The following NKAIN3 variants were observed in gnomAD, a reference collection of about 807,000 sequenced individuals.
NKAIN3 encodes sodium/potassium transporting ATPase interacting 3.
In NKAIN3, 25 loss-of-function variants were observed where a neutral mutation model predicts 30.2. The observed-to-expected ratio is 0.83, with a 90% CI of 0.60 to 1.16. The LOEUF (loss-of-function observed/expected upper bound fraction) is 1.16, where lower values mean the gene tolerates loss of function less well. Among genes scored for constraint, NKAIN3 ranks in the 50% most tolerant of loss-of-function variants. The probability of loss-of-function intolerance (pLI) is 0.00; values close to 1 mark genes in which losing one functional copy is unlikely to be tolerated. For missense variants in NKAIN3, 225 were observed against 254.1 expected (o/e 0.89, Z 0.78); for synonymous variants, 91 against 89.6 (o/e 1.02, Z -0.09).
chr8:62,837,024 T>A (rs1304031232), intron 4 of NKAIN3, among the ~76,000 whole-genome samples: 1 of 152,164 alleles, frequency 6.6e-6, no homozygotes, highest in Non-Finnish European at 1.5e-5. Flanking sequence ...GAGACTAGAC[T>A]CAGTGTCCTG....
chr8:62,633,777 G>T (rs1051021621), intron 3 of NKAIN3, among the ~76,000 whole-genome samples: 6 of 152,114 alleles, frequency 3.9e-5, no homozygotes, highest in Admixed American at 6.5e-5. Flanking sequence ...CCACCTGTTA[G>T]AAACCCCTGA....
chr8:62,832,057 C>A lies in NKAIN3; in HGVS notation c.471+84928C>A, dbSNP rs113346578. 3.9e-3 allele frequency among the ~76,000 whole-genome samples: 597 copies of A among 152,086 alleles called. 4 individuals are homozygous for A. The highest frequency in any genetic ancestry group is 0.013 in the African/African-American group (554 of 41,492). ...TATACAAACCAGAAGAGATAAGAGG[C>A]CTATTTTCAGCATTCTTAGAGAAAT... On this transcript the variant is annotated intron_variant, in intron 4 of 6. Transcript: ENST00000623646.
Position 62,977,220 on chromosome 8 carries a change from A to G in NKAIN3, c.*11813A>G, listed in dbSNP as rs1229572713. 6.6e-6 allele frequency among the ~76,000 whole-genome samples: 1 copy of G among 151,968 alleles called. No homozygotes were observed. The highest frequency in any genetic ancestry group is 1.5e-5 in the Non-Finnish European group (1 of 67,984). ...TGTTCTCTGTATTTCCTGAATTTGTATTCTGTATTTCCTAAGCCTGCCTTG... is the reference window on the plus strand; with the variant it reads ...TGTTCTCTGTATTTCCTGAATTTGTGTTCTGTATTTCCTAAGCCTGCCTTG... On this transcript the variant is annotated 3_prime_UTR_variant, in exon 7 of 7. Transcript: ENST00000623646.
chr8:62,372,096 C>T (rs16928779), intron 1 of NKAIN3, among the ~76,000 whole-genome samples: 21,014 of 151,640 alleles, frequency 0.14, 1,746 homozygotes, highest in East Asian at 0.41. Context: ...TGATTAGATA[C>T]TGTGAGATAG....
At chr8:62,344,780 G>A (rs1243890687) in intron 1 of NKAIN3, 1 of 374,488 alleles carries the variant, frequency 2.7e-6, no homozygotes. Flanking sequence ...ATAAAACTAA[G>A]AAATTTAGAG....
At chr8:62,895,870 G>A (rs966232845) in intron 4 of NKAIN3, among the ~76,000 whole-genome samples, 2 of 152,058 alleles carry the variant, frequency 1.3e-5, no homozygotes, top group Non-Finnish European at 1.5e-5. Flanking sequence ...CTTTTCTTAC[G>A]GAGCTGTCCT....
At chr8:62,548,587 A>T (rs1809091647) in intron 1 of NKAIN3, among the ~76,000 whole-genome samples, 1 of 152,158 alleles carries the variant, frequency 6.6e-6, no homozygotes, top group South Asian at 2.1e-4. Flanking sequence ...AAAAATCCTT[A>T]TTGGAACAAA....
chr8:62,444,930 A>G (rs1276451608), intron 1 of NKAIN3, among the ~76,000 whole-genome samples: 1 of 151,718 alleles, frequency 6.6e-6, no homozygotes, highest in African/African-American at 2.4e-5. Flanking sequence ...ATCTCATTGG[A>G]GTTTGGATTT....
intron 4 of NKAIN3, among the ~76,000 whole-genome samples, chr8:62,894,526 A>T (rs185298692): frequency 0.011 from 1,679 of 152,256 alleles, 12 homozygotes; most frequent in Non-Finnish European, 0.016. Flanking sequence ...AAAATTCCAA[A>T]CTAGAGAGAA....
chr8:62,821,148 C>T (rs72653278), intron 4 of NKAIN3, among the ~76,000 whole-genome samples: 2,473 of 152,020 alleles, frequency 0.016, 31 homozygotes, highest in Non-Finnish European at 0.022. Flanking sequence ...CATGTCTTTC[C>T]CTTCTTTATT....
intron 1 of NKAIN3, among the ~76,000 whole-genome samples, chr8:62,575,896 G>A (rs1280646612): frequency 6.6e-6 from 1 of 152,082 alleles, no homozygotes; most frequent in Non-Finnish European, 1.5e-5. Flanking sequence ...ATGGGTCAGG[G>A]AAAACTGAGT....
chr8:62,419,866 T>C (rs1804575748), intron 1 of NKAIN3, among the ~76,000 whole-genome samples: 1 of 152,180 alleles, frequency 6.6e-6, no homozygotes, highest in Non-Finnish European at 1.5e-5. Flanking sequence ...AAAGGCCATC[T>C]CGAGGTGCCC....
chr8:62,792,035 CT>C (rs1197562167), intron 4 of NKAIN3, among the ~76,000 whole-genome samples: 2 of 152,094 alleles, frequency 1.3e-5, no homozygotes, highest in African/African-American at 4.8e-5. Context: ...ATCACTACCT[CT>C]TTAGTTAAAT....
intron 5 of NKAIN3, among the ~76,000 whole-genome samples, chr8:62,938,690 C>G (rs1018190744): frequency 2.0e-5 from 3 of 152,108 alleles, no homozygotes; most frequent in Non-Finnish European, 2.9e-5. Flanking sequence ...CCCACCCCTA[C>G]GGGAAGAGGG....
At chr8:62,289,501 T>A (rs1422003758) in intron 1 of NKAIN3, among the ~76,000 whole-genome samples, 1 of 152,222 alleles carries the variant, frequency 6.6e-6, no homozygotes, top group African/African-American at 2.4e-5. Flanking sequence ...AAATAGGGAA[T>A]CCTTTACCCA....
chr8:62,884,981 A>G (rs1440294845), intron 4 of NKAIN3, among the ~76,000 whole-genome samples: 1 of 151,352 alleles, frequency 6.6e-6, no homozygotes, highest in African/African-American at 2.4e-5. Flanking sequence ...TTCCAATTTC[A>G]TTGATTTTTG....
In NKAIN3 at chr8:62,675,692, T is replaced by C. The variant is rs549419867; in HGVS notation, c.274-71240T>C. On this transcript the variant is annotated intron_variant, in intron 3 of 6. Coordinates refer to ENST00000623646, the MANE Select transcript of NKAIN3 (RefSeq NM_001304533.3). ...TCACTGACAGCTGCAAGGTACACTT[T>C]CAGGACCACCAGGCAATGGCATGCT... 2.0e-3 allele frequency among the ~76,000 whole-genome samples: 309 copies of C among 152,284 alleles called. 2 individuals are homozygous for C. The highest frequency in any genetic ancestry group is 3.4e-3 in the Middle Eastern group (1 of 292).
At chr8:62,745,008 T>C (rs1402338732) in intron 3 of NKAIN3, among the ~76,000 whole-genome samples, 2 of 152,224 alleles carry the variant, frequency 1.3e-5, no homozygotes, top group South Asian at 2.1e-4. Flanking sequence ...TGCCTACTTA[T>C]ATGCACTGGG....
chr8:62,608,508 T>C (rs1811193859), intron 3 of NKAIN3, among the ~76,000 whole-genome samples: 2 of 152,196 alleles, frequency 1.3e-5, no homozygotes, highest in Non-Finnish European at 2.9e-5. Flanking sequence ...CTCAGCAGGC[T>C]TCCCTCGCTT....
Sources: gnomAD v4.1 joint callset for allele counts (sites outside exome capture counted in the v4.1 genomes callset) on GRCh38, gnomAD v4.1.1 for gene constraint, MANE v1.5 for transcripts, NCBI Gene and HGNC (gene_info 2026-07-23, HGNC 2026-07-21) for gene names.